The following IL1B variants were observed in gnomAD, a reference collection of about 807,000 sequenced individuals.
The protein encoded by IL1B is interleukin 1 beta, also known as interleukin-1 beta.
IL1B carries 11 observed loss-of-function variants against 26.2 expected under a neutral mutation model. The ratio of observed to expected loss-of-function variants is 0.42; its 90% CI spans 0.26 to 0.70. IL1B has a LOEUF of 0.70. Ranked by LOEUF, IL1B falls within the 30% of genes least tolerant of loss-of-function variation. The probability of loss-of-function intolerance (pLI) is 0.25; values close to 1 mark genes in which losing one functional copy is unlikely to be tolerated. For missense variants in IL1B, 255 were observed against 327.5 expected, an observed-to-expected ratio of 0.78 and a Z score of 1.71; for synonymous variants, 118 against 120.8, an observed-to-expected ratio of 0.98 and a Z score of 0.15.
At chr2:112,834,616 G>A (rs1296989434) in intron 3 of IL1B, among the ~76,000 whole-genome samples, 2 of 152,262 alleles carry the variant, frequency 1.3e-5, no homozygotes, top group East Asian at 3.8e-4. Context: ...TGGGGGCAAA[G>A]GCCAGGCAGA....
At position 112,831,435 on chromosome 2, in the gene IL1B, G is replaced by T. The variant is rs760412054; in HGVS notation, c.467-13C>A. The T allele has an allele frequency of 3.1e-6, 5 of 1,612,620 alleles. No homozygotes were observed. Among genetic ancestry groups the T allele is most frequent in the South Asian group, 2.2e-5 (2 of 90,868 alleles). On this transcript the variant is annotated splice_polypyrimidine_tract_variant and intron_variant, in intron 5 of 6. Transcript: ENST00000263341. Reference sequence around the variant, plus strand: ...ATGGAGAACACCACTGAAGAAAGAAGGGGGTCTTGTGGTTAGGGACACAGC... The same window carrying T: ...ATGGAGAACACCACTGAAGAAAGAATGGGGTCTTGTGGTTAGGGACACAGC...
Position 112,833,157 on chromosome 2 carries a change from G to T in IL1B, c.301+217C>A, listed in dbSNP as rs774838456. On this transcript the variant is annotated intron_variant, in intron 4 of 6. Transcript: ENST00000263341. ...AAGTGAAAGGCCCCTGAGAAAGAGT[G>T]AGGGAGTTGCAAATGTCAGTAGCCA... The T allele has an allele frequency of 6.2e-5, 39 of 625,006 alleles. 1 individual carries two copies. Among genetic ancestry groups the T allele is most frequent in the South Asian group, 4.1e-4 (22 of 53,714 alleles). 38.7% of individuals were successfully genotyped at this position (625,006 alleles called of 1,614,324 possible).
chr2:112,836,247 G>A lies in IL1B; in HGVS notation c.-15-3C>T, dbSNP rs1305920569. On this transcript the variant is annotated splice_region_variant and splice_polypyrimidine_tract_variant and intron_variant, in intron 1 of 6. Coordinates refer to ENST00000263341, the MANE Select transcript of IL1B (RefSeq NM_000576.3). ...TCTGCCATGGCTGCTTCAGACACCTGTGTAAAAAGGAGAAAATGAGTGACT... is the reference window on the plus strand; with the variant it reads ...TCTGCCATGGCTGCTTCAGACACCTATGTAAAAAGGAGAAAATGAGTGACT... The A allele has an allele frequency of 6.2e-7, 1 of 1,612,062 alleles. No individual in the cohort carries two copies. The highest frequency in any genetic ancestry group is 1.3e-5 in the African/African-American group (1 of 74,870).
chr2:112,836,557 G>A, intron 1 of IL1B, 151 bp downstream of exon 1: 1 of 306,284 alleles, frequency 3.3e-6, no homozygotes, highest in Non-Finnish European at 6.5e-6. Flanking sequence ...TGGCATTTTT[G>A]CAAAAAGCTG....
rs3917347 is a variant in IL1B at position 112,836,613 on chromosome 2, AAGAG to A, written c.-16+91_-16+94del. On this transcript the variant is annotated intron_variant, in intron 1 of 6. Transcript: ENST00000263341. ...AAGGAGAGGGAGAGACAGAGAAAGA[AAGAG>A]AGAGAGAGAGAGAATATGCATACAC... 25 of 284,736 alleles carry A rather than the reference AAGAG, an allele frequency of 8.8e-5. 1 individual carries two copies. Among genetic ancestry groups the A allele is most frequent in the South Asian group, 2.0e-4 (6 of 30,250 alleles). The allele number at this position is 284,736 out of a possible 1,614,324, so 17.6% of individuals were successfully genotyped here. A position where few individuals can be genotyped will look rare whatever the true frequency, so the allele number is the denominator to read the frequency against.
chr2:112,835,412 G>A lies in IL1B; in HGVS notation c.99+154C>T, dbSNP rs1682070604. The A allele has an allele frequency of 1.7e-5, 12 of 704,300 alleles. 1 individual carries two copies. Among genetic ancestry groups the A allele is most frequent in the South Asian group, 1.7e-4 (11 of 65,992 alleles). 43.6% of individuals were successfully genotyped at this position (704,300 alleles called of 1,614,324 possible). ...GGTGATATGATGACCAAGTGGCCAG[G>A]TCAGCAAGTGGTGCAGCCTGTGTCT... is the stretch of plus-strand genomic sequence containing the variant. On this transcript the variant is annotated intron_variant, in intron 3 of 6. Transcript: ENST00000263341.
chr2:112,833,032 A>G (rs1682020667), intron 4 of IL1B: 2 of 637,102 alleles, frequency 3.1e-6, no homozygotes, highest in South Asian at 1.8e-5. Context: ...CTTCAGGTCT[A>G]TTACTGCTCA....
At chr2:112,830,847 G>A (rs1325186364) in intron 6 of IL1B, among the ~76,000 whole-genome samples, 1 of 151,922 alleles carries the variant, frequency 6.6e-6, no homozygotes, top group Non-Finnish European at 1.5e-5. Flanking sequence ...GCTTCTTGAA[G>A]TACCTAGTTT....
At chr2:112,834,882 C>T (rs1197960391) in intron 3 of IL1B, among the ~76,000 whole-genome samples, 2 of 152,212 alleles carry the variant, frequency 1.3e-5, no homozygotes, top group Non-Finnish European at 2.9e-5. Flanking sequence ...AGGAATATAA[C>T]ATGGCTCTTT....
At chr2:112,835,686 C>T (rs1682075652) in intron 2 of IL1B, 69 bp from the exon 3 acceptor site, 1 of 1,319,526 alleles carries the variant, frequency 7.6e-7, no homozygotes, top group South Asian at 1.2e-5. Flanking sequence ...TCCCTGTGTA[C>T]AAGACTTGAC....
rs1682072497 is a variant in IL1B at position 112,835,548 on chromosome 2, T to G, written c.99+18A>C. The G allele has an allele frequency of 1.9e-6, 3 of 1,606,804 alleles. No homozygotes were observed. In the African/African-American group the frequency reaches 4.0e-5, roughly 21 times the overall value. Reference sequence around the variant, plus strand: ...TTAGAGCCCTTCCTTGGGTTGGGAGTTAAACCCATAGTCTTACCTTCATCT... The same window carrying G: ...TTAGAGCCCTTCCTTGGGTTGGGAGGTAAACCCATAGTCTTACCTTCATCT... On this transcript the variant is annotated intron_variant, in intron 3 of 6. Transcript: ENST00000263341.
At position 112,832,648 on chromosome 2, in the gene IL1B, A is replaced by G; in HGVS notation, c.466+14T>C. On this transcript the variant is annotated intron_variant, in intron 5 of 6. Coordinates refer to ENST00000263341, the MANE Select transcript of IL1B (RefSeq NM_000576.3). ...CAGGAGGCCAGGCAGGGAAACCAGG[A>G]TGTTTCCATTTACCTTGTTGCTCCA... 2 of 1,613,254 alleles carry G rather than the reference A, an allele frequency of 1.2e-6. No homozygotes were observed. Among genetic ancestry groups the G allele is most frequent in the Non-Finnish European group, 1.7e-6 (2 of 1,179,186 alleles).
At chr2:112,830,844 G>T (rs1405571624) in intron 6 of IL1B, among the ~76,000 whole-genome samples, 1 of 151,796 alleles carries the variant, frequency 6.6e-6, no homozygotes, top group East Asian at 1.9e-4. Flanking sequence ...AGAGCTTCTT[G>T]AAGTACCTAG....
At chr2:112,830,812 T>G (rs1048759786) in intron 6 of IL1B, among the ~76,000 whole-genome samples, 3 of 152,014 alleles carry the variant, frequency 2.0e-5, no homozygotes, top group African/African-American at 7.2e-5. Flanking sequence ...TTTTTTTTTT[T>G]TGGGGGGGTG....
Position 112,833,564 on chromosome 2 carries a change from C to T in IL1B, c.111G>A (p.Gln37=), listed in dbSNP as rs1465902006. The T allele has an allele frequency of 1.9e-6, 3 of 1,613,834 alleles. No homozygotes were observed. The African/African-American group carries it at 4.0e-5, about 22-fold the overall frequency. ...CATCCAGAGGGCAGAGGTCCAGGTC[C>T]TGGAAGGAGCACTGCGGAGAGAGCG... is the stretch of plus-strand genomic sequence containing the variant. ...DGPKQMKCSF[Q]DLDLCPLDGG... Residue 37 remains glutamine, a synonymous_variant, in exon 4 of 7, where the codon CAG becomes CAA. Coordinates refer to ENST00000263341, the MANE Select transcript of IL1B (RefSeq NM_000576.3).
chr2:112,830,312 T>G lies in IL1B; in HGVS notation c.*49A>C. 1 of 1,497,204 alleles carries G rather than the reference T, an allele frequency of 6.7e-7. No homozygotes were observed. The highest frequency in any genetic ancestry group is 9.3e-7 in the Non-Finnish European group (1 of 1,073,988). 92.7% of individuals were successfully genotyped at this position (1,497,204 alleles called of 1,614,324 possible). ...CTTTCTGTTCCCTTTCTGCCAGCCC[T>G]AGGGATTGAGTCCACATTCAGCACA... On this transcript the variant is annotated 3_prime_UTR_variant, in exon 7 of 7. Transcript: ENST00000263341.
chr2:112,833,663 A>G, intron 3 of IL1B, 88 bp from the exon 4 acceptor site: 2 of 1,246,034 alleles, frequency 1.6e-6, no homozygotes, highest in Non-Finnish European at 2.3e-6. Context: ...CTCAGAGAGG[A>G]GGAAAGGGCT....
intron 4 of IL1B, 41 bp from the exon 5 acceptor site, chr2:112,832,867 A>C (rs369145606): frequency 6.2e-7 from 1 of 1,611,202 alleles, no homozygotes; most frequent in Non-Finnish European, 8.5e-7. Context: ...TAAAATCAGA[A>C]GGGCAGGCCT....
At chr2:112,832,319 C>G (rs1391021776) in intron 5 of IL1B, among the ~76,000 whole-genome samples, 1 of 152,146 alleles carries the variant, frequency 6.6e-6, no homozygotes, top group Non-Finnish European at 1.5e-5. Context: ...TCAGCCTCAA[C>G]AACAGGAAGA....
Sources: gnomAD v4.1 joint callset for allele counts (sites outside exome capture counted in the v4.1 genomes callset) on GRCh38, gnomAD v4.1.1 for gene constraint, MANE v1.5 for transcripts, NCBI Gene and HGNC (gene_info 2026-07-23, HGNC 2026-07-21) for gene names.